The following KIF5A variants were observed in gnomAD, a reference collection of about 807,000 sequenced individuals.
The protein encoded by KIF5A is kinesin family member 5A.
KIF5A carries 35 observed loss-of-function variants against 141.3 expected under a neutral mutation model. That is an observed-to-expected ratio of 0.25 (90% CI 0.19 to 0.33). The LOEUF is 0.33. Among genes scored for constraint, KIF5A ranks in the 10% least tolerant of loss-of-function variants. The pLI, the probability that KIF5A is intolerant of heterozygous loss-of-function variation, is 1.00. For missense variants in KIF5A, 861 were observed against 1,314.3 expected, an observed-to-expected ratio of 0.66 and a Z score of 5.33; for synonymous variants, 448 against 500.2, an observed-to-expected ratio of 0.90 and a Z score of 1.39.
rs1372891072 is a variant in KIF5A at position 57,572,274 on chromosome 12, G to A, written c.1569+7G>A. 6.3e-7 allele frequency: 1 copy of A among 1,577,232 alleles called. No individual in the cohort carries two copies. Among genetic ancestry groups the A allele is most frequent in the East Asian group, 2.3e-5 (1 of 42,624 alleles). ...TGAGCTGTCTCAGAAGGTGGTAAGT[G>A]GTGTGCCAATGGTCCAACAGCTCCC... On this transcript the variant is annotated splice_region_variant and intron_variant, in intron 14 of 28. Transcript: ENST00000455537. This position sits in a 1 kb window ranked among gnomAD's most constrained non-coding sequence, Gnocchi z 4.2.
At chr12:57,582,093 A>C in intron 26 of KIF5A, 141 bp downstream of exon 26, 3 of 731,800 alleles carry the variant, frequency 4.1e-6, no homozygotes, top group East Asian at 2.7e-5. Flanking sequence ...AAAAAAATAC[A>C]TATAGCCAGG....
intron 1 of KIF5A, among the ~76,000 whole-genome samples, chr12:57,554,850 A>G (rs1266652078): frequency 1.3e-5 from 2 of 152,082 alleles, no homozygotes; most frequent in African/African-American, 4.8e-5. Flanking sequence ...TAAAGCGATA[A>G]CTCACTCATT....
intron 23 of KIF5A, 42 bp from the exon 24 acceptor site, chr12:57,580,914 C>CT: frequency 6.2e-7 from 1 of 1,601,198 alleles, no homozygotes; most frequent in Non-Finnish European, 8.5e-7. Flanking sequence ...TCTTGGGTCA[C>CT]TTGCCTTCCT....
In KIF5A at chr12:57,550,474, TC is replaced by T. The variant is rs1881536001; in HGVS notation, c.129+75del. ...CTCCCCGCCCCCCGCAGAGCCTTAG[TC>T]TCTGCTGGTCCCTTTGCTCCCCCTC... On this transcript the variant is annotated intron_variant, in intron 1 of 28. Transcript: ENST00000455537. This position sits in a 1 kb window ranked among gnomAD's most constrained non-coding sequence, Gnocchi z 4.6. The T allele has an allele frequency of 2.0e-6, 3 of 1,481,330 alleles. No individual in the cohort carries two copies. 91.8% of individuals were successfully genotyped at this position (1,481,330 alleles called of 1,614,324 possible). A position where few individuals can be genotyped will look rare whatever the true frequency, so the allele number is the denominator to read the frequency against.
At position 57,582,587 on chromosome 12, in the gene KIF5A, T is replaced by C. The variant is rs1882639179; in HGVS notation, c.2993-15T>C. 1.9e-6 allele frequency: 3 copies of C among 1,608,730 alleles called. No individual in the cohort carries two copies. The Middle Eastern group carries it at 5.0e-4, about 266-fold the overall frequency. On this transcript the variant is annotated splice_polypyrimidine_tract_variant and intron_variant, in intron 26 of 28. Transcript: ENST00000455537. ...TCTTCTTCTAATCCTGTGTTCTCAA[T>C]GATGATCTCTTCAGGAAATGCCACA...
At position 57,570,170 on chromosome 12, in the gene KIF5A, C is replaced by T. The variant is rs776493530; in HGVS notation, c.1293+8C>T. ...AAGCAGCTTGACGACAAGGTGAGGG[C>T]GGCCAGGCAGGGCACTGAGGCACGC... On this transcript the variant is annotated splice_region_variant and intron_variant, in intron 12 of 28. Coordinates refer to ENST00000455537, the MANE Select transcript of KIF5A (RefSeq NM_004984.4). 21 of 1,612,664 alleles carry T rather than the reference C, an allele frequency of 1.3e-5. No homozygotes were observed. The highest frequency in any genetic ancestry group is 1.7e-4 in the Middle Eastern group (1 of 5,848).
In KIF5A at chr12:57,572,676, A is replaced by C. The variant is rs1411015114; in HGVS notation, c.1666A>C (p.Lys556Gln). The C allele has an allele frequency of 6.2e-7, 1 of 1,614,122 alleles. No homozygotes were observed. The highest frequency in any genetic ancestry group is 2.2e-5 in the East Asian group (1 of 44,902). The change falls in exon 15 of 29, where the codon AAG (lysine) becomes CAG (glutamine). Residue 556 changes from lysine (K) to glutamine (Q), a missense_variant. Lys to Gln is a moderately conservative substitution (Grantham distance 53, BLOSUM62 1). Transcript: ENST00000455537. The surrounding 1 kb of genome is among the most constrained non-coding windows in gnomAD (Gnocchi z 4.2). The stretch of plus-strand genomic sequence containing the variant: ...TGCTGAGGTGCTGAACGGGCTGATG[A>C]AGGATCTGAGCGAGTTCAGTGTCAT... ...RIAEVLNGLM[K>Q]DLSEFSVIVG...
Position 57,564,248 on chromosome 12 carries a change from G to A in KIF5A, c.396+36G>A, listed in dbSNP as rs374985664. 5.0e-5 allele frequency: 71 copies of A among 1,410,224 alleles called. No homozygotes were observed. In the African/African-American group the frequency reaches 6.3e-4, roughly 13 times the overall value. 87.4% of individuals were successfully genotyped at this position (1,410,224 alleles called of 1,614,324 possible). A position where few individuals can be genotyped will look rare whatever the true frequency, so the allele number is the denominator to read the frequency against. ...CACGACAGCTGGGCATTCAGATGGG[G>A]ACTGGGAGGGGAAGATCTAAAATCT... On this transcript the variant is annotated intron_variant, in intron 4 of 28. Transcript: ENST00000455537.
In KIF5A at chr12:57,550,134, C is replaced by T. The variant is rs927735066; in HGVS notation, c.-138C>T. 2 of 1,244,268 alleles carry T rather than the reference C, an allele frequency of 1.6e-6. No homozygotes were observed. The highest frequency in any genetic ancestry group is 1.2e-5 in the South Asian group (1 of 82,258). The allele number at this position is 1,244,268 out of a possible 1,614,324, so 77.1% of individuals were successfully genotyped here. A position where few individuals can be genotyped will look rare whatever the true frequency, so the allele number is the denominator to read the frequency against. Reference sequence around the variant, plus strand: ...CGCCCCGGCCCTGCTCCCCAGGCTTCGCCCGGGCGCCCTCAACTCTGTCCC... The same window carrying T: ...CGCCCCGGCCCTGCTCCCCAGGCTTTGCCCGGGCGCCCTCAACTCTGTCCC... On this transcript the variant is annotated 5_prime_UTR_variant, in exon 1 of 29. Transcript: ENST00000455537. The surrounding 1 kb of genome is among the most constrained non-coding windows in gnomAD (Gnocchi z 4.6).
In KIF5A at chr12:57,576,880, A is replaced by G; in HGVS notation, c.2300+18A>G. Reference sequence around the variant, plus strand: ...GAGCTGACGTGAGTGGCATGGATTTACCTGTAAAACTACAGCCTTGTAGGC... The same window carrying G: ...GAGCTGACGTGAGTGGCATGGATTTGCCTGTAAAACTACAGCCTTGTAGGC... On this transcript the variant is annotated intron_variant, in intron 20 of 28. Coordinates refer to ENST00000455537, the MANE Select transcript of KIF5A (RefSeq NM_004984.4). The G allele has an allele frequency of 6.3e-7, 1 of 1,577,204 alleles. No homozygotes were observed. Among genetic ancestry groups the G allele is most frequent in the Non-Finnish European group, 8.7e-7 (1 of 1,147,086 alleles).
intron 11 of KIF5A, 102 bp downstream of exon 11, chr12:57,569,785 A>C (rs976084886): frequency 5.9e-6 from 9 of 1,535,676 alleles, no homozygotes; most frequent in Non-Finnish European, 6.2e-6. Flanking sequence ...CCAATCTCCT[A>C]GAAGAGGGGC....
intron 7 of KIF5A, 91 bp from the exon 8 acceptor site, chr12:57,567,403 G>A (rs1466909479): frequency 6.5e-7 from 1 of 1,539,380 alleles, no homozygotes; most frequent in Admixed American, 1.8e-5. Context: ...CTTCTCTCTG[G>A]GTGGGCGGGG....
Position 57,567,138 on chromosome 12 carries a change from C to T in KIF5A, c.514C>T (p.Arg172Cys), listed in dbSNP as rs1159429693. The change falls in exon 7 of 29, where the codon CGC (arginine) becomes TGC (cysteine). Residue 172 changes from arginine to cysteine, a missense_variant. By Grantham distance (180) the Arg-to-Cys change is radical. Coordinates refer to ENST00000455537, the MANE Select transcript of KIF5A (RefSeq NM_004984.4). The part of the protein sequence containing the change: ...RVPFVKGCTE[R>C]FVSSPEEILD... The stretch of plus-strand genomic sequence containing the variant: ...TTGTCCCCCACAGGGTTGTACTGAA[C>T]GCTTTGTGTCCAGCCCGGAGGAGAT... 2.5e-6 allele frequency: 4 copies of T among 1,611,624 alleles called. No individual in the cohort carries two copies. Among genetic ancestry groups the T allele is most frequent in the Non-Finnish European group, 3.4e-6 (4 of 1,178,208 alleles).
At chr12:57,556,306 T>C (rs1027727231) in intron 1 of KIF5A, among the ~76,000 whole-genome samples, 1 of 151,926 alleles carries the variant, frequency 6.6e-6, no homozygotes, top group African/African-American at 2.4e-5. Flanking sequence ...GCCCGGCTAA[T>C]TTTTTGTATT....
Position 57,550,194 on chromosome 12 carries a change from T to C in KIF5A, c.-78T>C, listed in dbSNP as rs1881523850. 6.2e-7 allele frequency: 1 copy of C among 1,600,492 alleles called. No individual in the cohort carries two copies. The highest frequency in any genetic ancestry group is 8.5e-7 in the Non-Finnish European group (1 of 1,171,662). On this transcript the variant is annotated 5_prime_UTR_variant, in exon 1 of 29. Transcript: ENST00000455537. This position sits in a 1 kb window ranked among gnomAD's most constrained non-coding sequence, Gnocchi z 4.6. The stretch of plus-strand genomic sequence containing the variant: ...AGCACCTGTCCTCCGCCTCGGCCTC[T>C]GCTGAGAGCCCTCTCCTCTGGAGCA...
Position 57,550,238 on chromosome 12 carries a change from C to T in KIF5A, c.-34C>T. ...TGGAGCACACACCACCCCTGCAGCC[C>T]AAGAAGAGTCCCAGCCCCACGCCGG... On this transcript the variant is annotated 5_prime_UTR_variant, in exon 1 of 29. Transcript: ENST00000455537. The surrounding 1 kb of genome is among the most constrained non-coding windows in gnomAD (Gnocchi z 4.6). The T allele has an allele frequency of 6.2e-7, 1 of 1,613,388 alleles. No individual in the cohort carries two copies. The highest frequency in any genetic ancestry group is 8.5e-7 in the Non-Finnish European group (1 of 1,179,954).
At chr12:57,571,953 C>T in intron 13 of KIF5A, 108 bp from the exon 14 acceptor site, 1 of 895,886 alleles carries the variant, frequency 1.1e-6, no homozygotes. Flanking sequence ...CCCACTTCCT[C>T]TTAACTCTTT....
chr12:57,566,639 A>C (rs1433116905), intron 6 of KIF5A, among the ~76,000 whole-genome samples: 1 of 151,852 alleles, frequency 6.6e-6, no homozygotes, highest in African/African-American at 2.4e-5. Context: ...CGAACTCCTG[A>C]CCTCAGGTGA....
chr12:57,575,074 A>G lies in KIF5A; in HGVS notation c.1717-10A>G. The G allele has an allele frequency of 6.2e-7, 1 of 1,613,906 alleles. No homozygotes were observed. The highest frequency in any genetic ancestry group is 8.5e-7 in the Non-Finnish European group (1 of 1,179,854). On this transcript the variant is annotated splice_polypyrimidine_tract_variant and intron_variant, in intron 15 of 28. Coordinates refer to ENST00000455537, the MANE Select transcript of KIF5A (RefSeq NM_004984.4). Reference sequence around the variant, plus strand: ...CCAAGAAGCATCTCTTCCTCCTTTAATCACCTTAGCCAGTGGAGATCAGTG... The same window carrying G: ...CCAAGAAGCATCTCTTCCTCCTTTAGTCACCTTAGCCAGTGGAGATCAGTG...
Sources: gnomAD v4.1 joint callset for allele counts (sites outside exome capture counted in the v4.1 genomes callset) on GRCh38, gnomAD v4.1.1 for gene constraint, Gnocchi (gnomAD v3.1) non-coding constraint, MANE v1.5 for transcripts, NCBI Gene and HGNC (gene_info 2026-07-23, HGNC 2026-07-21) for gene names.